FAM118B: variants seen among roughly 807,000 people sequenced by gnomAD.
The protein encoded by FAM118B is SIR2 antiphage like 1.
A neutral mutation model predicts 38.5 loss-of-function variants in FAM118B; 24 were observed. The observed-to-expected ratio is 0.62, with a 90% confidence interval of 0.45 to 0.88. The LOEUF (loss-of-function observed/expected upper bound fraction) is 0.88, where lower values mean the gene tolerates loss of function less well. Among genes scored for constraint, FAM118B ranks in the 40% least tolerant of loss-of-function variants. The pLI is 0.00. For missense variants in FAM118B, 334 were observed against 420.0 expected, an observed-to-expected ratio of 0.80 and a Z score of 1.79; for synonymous variants, 138 against 156.3, an observed-to-expected ratio of 0.88 and a Z score of 0.87.
At chr11:126,259,661 A>T (rs1394452650) in intron 7 of FAM118B, among the ~76,000 whole-genome samples, 5 of 147,802 alleles carry the variant, frequency 3.4e-5, no homozygotes, top group Non-Finnish European at 7.5e-5. Flanking sequence ...TCCTGACCTC[A>T]TGATCCACCC....
chr11:126,238,097 C>T (rs565922821), intron 3 of FAM118B, among the ~76,000 whole-genome samples: 7 of 152,096 alleles, frequency 4.6e-5, no homozygotes, highest in Non-Finnish European at 7.3e-5. Flanking sequence ...TGCGGTGGCT[C>T]ACGCCTGTAA....
intron 2 of FAM118B, 81 bp downstream of exon 2, chr11:126,229,374 T>C (rs1950180405): frequency 6.6e-6 from 1 of 152,328 alleles, no homozygotes; most frequent in African/African-American, 2.4e-5. Flanking sequence ...GGAACACTTT[T>C]GTTCCCTATA....
chr11:126,236,468 T>C (rs1380615438), intron 3 of FAM118B, among the ~76,000 whole-genome samples: 2 of 152,208 alleles, frequency 1.3e-5, no homozygotes, highest in African/African-American at 4.8e-5. Context: ...TTTTTTGTTT[T>C]GTTTTGTTTC....
At chr11:126,240,086 GAACAAA>G (rs1320402013) in intron 3 of FAM118B, among the ~76,000 whole-genome samples, 1 of 152,072 alleles carries the variant, frequency 6.6e-6, no homozygotes, top group Non-Finnish European at 1.5e-5. Context: ...AAAGAGAGGG[GAACAAA>G]AACAAAAATT....
At chr11:126,223,583 G>GAAAA (rs35811458) in intron 1 of FAM118B, among the ~76,000 whole-genome samples, 2 of 118,260 alleles carry the variant, frequency 1.7e-5, no homozygotes, top group Non-Finnish European at 1.9e-5. Context: ...GCGAAAGAGC[G>GAAAA]AAAAAAAAAA....
chr11:126,258,778 C>G (rs977554801), intron 7 of FAM118B, among the ~76,000 whole-genome samples: 8 of 152,304 alleles, frequency 5.3e-5, no homozygotes, highest in African/African-American at 1.4e-4. Flanking sequence ...AGGAAAGATG[C>G]TAAAGTTTAA....
Position 126,261,205 on chromosome 11 carries a change from G to A in FAM118B, c.983-220G>A, listed in dbSNP as rs1591533640. The A allele has an allele frequency of 2.7e-5, 15 of 559,386 alleles. No individual in the cohort carries two copies. The East Asian group carries it at 4.3e-4, about 16-fold the overall frequency. 34.7% of individuals were successfully genotyped at this position (559,386 alleles called of 1,614,324 possible). A position where few individuals can be genotyped will look rare whatever the true frequency, so the allele number is the denominator to read the frequency against. ...TGTTTTGTCTACAAGCAATCGTAGT[G>A]CACTGTGGAAACTCACTGCTTCCCT... On this transcript the variant is annotated intron_variant, in intron 7 of 8. Coordinates refer to ENST00000533050, the MANE Select transcript of FAM118B (RefSeq NM_024556.4).
At chr11:126,247,435 T>C (rs1950432088) in intron 4 of FAM118B, among the ~76,000 whole-genome samples, 1 of 152,224 alleles carries the variant, frequency 6.6e-6, no homozygotes, top group Admixed American at 6.5e-5. Context: ...CCTGGATTTT[T>C]TTCCCCCCAG....
chr11:126,217,200 CA>C (rs1483124982), intron 1 of FAM118B, among the ~76,000 whole-genome samples: 1 of 152,188 alleles, frequency 6.6e-6, no homozygotes, highest in Non-Finnish European at 1.5e-5. Context: ...CGATGTTGAA[CA>C]AAAAGACTTT....
In FAM118B at chr11:126,240,800, T is replaced by C. The variant is rs529273134; in HGVS notation, c.95T>C (p.Leu32Pro). The change falls in exon 4 of 9, where the codon CTT (leucine) becomes CCT (proline). Residue 32 changes from leucine (L) to proline (P), a missense_variant. Leu to Pro is a moderately conservative substitution (Grantham distance 98, BLOSUM62 -3). This residue lies in a region of FAM118B where 240 missense variants were observed against 295.9 expected (regional missense o/e 0.81). Transcript: ENST00000533050. ...TTGTTTTGCTTTTATAGGAAGCTGC[T>C]TCCAAGCTTAAAAACTAAGAAGCCT... ...EPPTKKPRKL[L>P]PSLKTKKPRE... 31 of 1,603,996 alleles carry C rather than the reference T, an allele frequency of 1.9e-5. No homozygotes were observed. Among genetic ancestry groups the C allele is most frequent in the Non-Finnish European group, 2.4e-5 (28 of 1,175,578 alleles).
rs1282012501 is a variant in FAM118B, at chr11:126,240,723, C to T, written c.87-69C>T. ...GTTAGCTAAAAACTGTAACCTGAGTCAGACAGTCTTTCTGTGTGCCTCATA... is the reference window on the plus strand; with the variant it reads ...GTTAGCTAAAAACTGTAACCTGAGTTAGACAGTCTTTCTGTGTGCCTCATA... On this transcript the variant is annotated intron_variant, in intron 3 of 8. Transcript: ENST00000533050. 6 of 1,451,506 alleles carry T rather than the reference C, an allele frequency of 4.1e-6. No homozygotes were observed. In the East Asian group the frequency reaches 1.1e-4, roughly 28 times the overall value. 89.9% of individuals were successfully genotyped at this position (1,451,506 alleles called of 1,614,324 possible). A position where few individuals can be genotyped will look rare whatever the true frequency, so the allele number is the denominator to read the frequency against.
chr11:126,250,461 C>A lies in FAM118B; in HGVS notation c.340-45C>A. The A allele has an allele frequency of 1.4e-6, 2 of 1,389,362 alleles. No individual in the cohort carries two copies. The highest frequency in any genetic ancestry group is 2.0e-6 in the Non-Finnish European group (2 of 983,342). The allele number at this position is 1,389,362 out of a possible 1,614,324, so 86.1% of individuals were successfully genotyped here. On this transcript the variant is annotated intron_variant, in intron 4 of 8. Transcript: ENST00000533050. The surrounding 1 kb of genome is among the most constrained non-coding windows in gnomAD (Gnocchi z 5.1). ...TGCTGTAACTAAAACAACTGACCTACCAAAGCACTTTGGACTAATTTTCTT... is the reference window on the plus strand; with the variant it reads ...TGCTGTAACTAAAACAACTGACCTAACAAAGCACTTTGGACTAATTTTCTT...
At chr11:126,262,972 CTTAT>C (rs1433847825), downstream of FAM118B, 4 of 152,620 alleles carry the variant, frequency 2.6e-5, no homozygotes, top group South Asian at 4.1e-4. Context: ...ATATAAATTA[CTTAT>C]TTCTCTGGGC....
chr11:126,213,675 G>A (rs576888109), intron 1 of FAM118B, among the ~76,000 whole-genome samples: 1 of 152,282 alleles, frequency 6.6e-6, no homozygotes. Context: ...GATGGGAGAG[G>A]CTGTTTCTAC....
chr11:126,244,917 CTTAATATTA>C lies in FAM118B; in HGVS notation c.339+3878_339+3886del, dbSNP rs1314788629. The C allele has an allele frequency of 1.3e-5, 2 of 152,182 alleles. No individual in the cohort carries two copies. Among genetic ancestry groups the C allele is most frequent in the African/African-American group, 4.8e-5 (2 of 41,440 alleles). 9.4% of individuals were successfully genotyped at this position (152,182 alleles called of 1,614,324 possible). ...CATGCCATGTTCCTGAATCAGAAGA[CTTAATATTA>C]TTAAGATGGAATACTCTGCAAATTG... On this transcript the variant is annotated intron_variant, in intron 4 of 8. Coordinates refer to ENST00000533050, the MANE Select transcript of FAM118B (RefSeq NM_024556.4). This position sits in a 1 kb window ranked among gnomAD's most constrained non-coding sequence, Gnocchi z 4.5.
At chr11:126,247,282 C>CT (rs1950430420) in intron 4 of FAM118B, among the ~76,000 whole-genome samples, 1 of 152,082 alleles carries the variant, frequency 6.6e-6, no homozygotes, top group African/African-American at 2.4e-5. Context: ...CAGAGCCAGA[C>CT]TTTCTCTCAA....
rs1397086320 is a variant in FAM118B at position 126,236,937 on chromosome 11, T to A, written c.86+1850T>A. Among the ~76,000 whole-genome samples the A allele has an allele frequency of 1.7e-4, 18 of 107,278 alleles. 1 individual carries two copies. The highest frequency in any genetic ancestry group is 5.4e-4 in the African/African-American group (14 of 25,908). The allele number at this position is 107,278 out of a possible 152,430, so 70.4% of individuals were successfully genotyped here. ...AGATGCTTTTTTTTTTTTTTTTTTT[T>A]AGACAGAGTCTCACTGTCTCCCAGG... is the stretch of plus-strand genomic sequence containing the variant. On this transcript the variant is annotated intron_variant, in intron 3 of 8. Transcript: ENST00000533050.
intron 1 of FAM118B, chr11:126,214,504 T>TTTTTTTTTG (rs1949949736): frequency 4.7e-5 from 2 of 42,466 alleles, no homozygotes; most frequent in Non-Finnish European, 1.0e-4. Context: ...TTTTTTTTTG[T>TTTTTTTTTG]TTTTTTTTTG....
intron 1 of FAM118B, among the ~76,000 whole-genome samples, chr11:126,220,585 C>T (rs1019854706): frequency 3.3e-5 from 5 of 151,954 alleles, no homozygotes; most frequent in African/African-American, 7.3e-5. Flanking sequence ...TGTGGTGGTG[C>T]GCACCTGTAG....
Sources: allele counts gnomAD v4.1 joint callset (sites outside exome capture counted in the v4.1 genomes callset), GRCh38; gene constraint gnomAD v4.1.1; regional missense constraint gnomAD v4.1.1; non-coding constraint Gnocchi (gnomAD v3.1); transcripts MANE v1.5; gene names NCBI Gene and HGNC (gene_info 2026-07-23, HGNC 2026-07-21).